Variants in GMEB1 observed in about 807,000 individuals in gnomAD.
GMEB1 encodes the protein glucocorticoid modulatory element binding protein 1, also known as glucocorticoid modulatory element-binding protein 1.
In GMEB1, 6 loss-of-function variants were observed where a neutral mutation model predicts 52.4. That is an observed-to-expected ratio of 0.11 (90% CI 0.06 to 0.23). The LOEUF (loss-of-function observed/expected upper bound fraction) is 0.23. Among genes scored for constraint, GMEB1 ranks in the 10% least tolerant of loss-of-function variants. The pLI, the probability that GMEB1 is intolerant of heterozygous loss-of-function variation, is 1.00. For synonymous variants in GMEB1, 255 were observed against 244.9 expected (o/e 1.04, Z -0.38); for missense variants, 486 against 685.6 (o/e 0.71, Z 3.25).
chr1:28,705,812 G>A (rs901889763), intron 8 of GMEB1, among the ~76,000 whole-genome samples: 2 of 150,890 alleles, frequency 1.3e-5, no homozygotes, highest in Non-Finnish European at 1.5e-5. Context: ...CTATGTGTAT[G>A]TATAGAGAAA....
At chr1:28,669,038 G>T (rs1668745578) in intron 1 of GMEB1, among the ~76,000 whole-genome samples, 199 bp downstream of exon 1, 1 of 145,994 alleles carries the variant, frequency 6.8e-6, no homozygotes, top group South Asian at 2.1e-4. Flanking sequence ...GCGCCGCGGG[G>T]GGGTGGGGGG....
rs1671265285 is a variant in GMEB1, at chr1:28,716,067, C to G, written c.*1294C>G. 6.6e-6 allele frequency: 1 copy of G among 152,312 alleles called. No individual in the cohort carries two copies. Among genetic ancestry groups the G allele is most frequent in the Non-Finnish European group, 1.5e-5 (1 of 68,192 alleles). 9.4% of individuals were successfully genotyped at this position (152,312 alleles called of 1,614,324 possible). ...TGAGCTGAGATCATGCCATTGCACTCTAGCCTGGGCGAGGAGTGAAACTCC... is the reference window on the plus strand; with the variant it reads ...TGAGCTGAGATCATGCCATTGCACTGTAGCCTGGGCGAGGAGTGAAACTCC... On this transcript the variant is annotated 3_prime_UTR_variant, in exon 10 of 10. Coordinates refer to ENST00000373816, the MANE Select transcript of GMEB1 (RefSeq NM_001319674.2).
intron 9 of GMEB1, among the ~76,000 whole-genome samples, chr1:28,713,813 G>A (rs1365851586): frequency 6.6e-6 from 1 of 152,192 alleles, no homozygotes; most frequent in African/African-American, 2.4e-5. Context: ...GGGAAGGTGA[G>A]GTGGGTGGAT....
chr1:28,709,059 G>A (rs1186224838), intron 8 of GMEB1, among the ~76,000 whole-genome samples: 1 of 151,814 alleles, frequency 6.6e-6, no homozygotes, highest in African/African-American at 2.4e-5. Flanking sequence ...GTGTGAACCC[G>A]GGAGGTGGAG....
At chr1:28,687,245 A>G (rs918170360) in intron 2 of GMEB1, among the ~76,000 whole-genome samples, 22 of 149,300 alleles carry the variant, frequency 1.5e-4, no homozygotes, top group African/African-American at 4.4e-4. Flanking sequence ...GCTGAGGTGA[A>G]GGATTGCTTG....
chr1:28,683,704 C>T lies in GMEB1; in HGVS notation c.92C>T (p.Thr31Ile). The part of the protein sequence containing the change: ...NEGENPEDTK[T>I]QVILQLQPVQ... ...GGGGAGAATCCTGAAGACACTAAAACCCAAGTGATTTTGCAGTTACAGCCT... is the reference window on the plus strand; with the variant it reads ...GGGGAGAATCCTGAAGACACTAAAATCCAAGTGATTTTGCAGTTACAGCCT... Residue 31 changes from threonine (T) to isoleucine (I), a missense_variant, in exon 2 of 10, where the codon ACC (threonine) becomes ATC (isoleucine). By Grantham distance (89) the Thr-to-Ile change is moderately conservative. This residue lies in a region of GMEB1 where 88 missense variants were observed against 96.5 expected (regional missense o/e 0.91). Coordinates refer to ENST00000373816, the MANE Select transcript of GMEB1 (RefSeq NM_001319674.2). 6.2e-7 allele frequency: 1 copy of T among 1,611,616 alleles called. No individual in the cohort carries two copies. Among genetic ancestry groups the T allele is most frequent in the Non-Finnish European group, 8.5e-7 (1 of 1,179,032 alleles).
chr1:28,693,126 G>T, intron 5 of GMEB1, 81 bp downstream of exon 5: 1 of 572,846 alleles, frequency 1.7e-6, no homozygotes. Flanking sequence ...TTTCTCTTTA[G>T]GTTGACATTT....
intron 1 of GMEB1, among the ~76,000 whole-genome samples, chr1:28,678,590 C>T (rs534936154): frequency 1.1e-4 from 16 of 151,462 alleles, no homozygotes; most frequent in African/African-American, 3.9e-4. Context: ...ATTACAGGTG[C>T]GAGCCACCGC....
chr1:28,713,070 A>G (rs564648730), intron 9 of GMEB1, among the ~76,000 whole-genome samples: 4 of 150,696 alleles, frequency 2.7e-5, no homozygotes, highest in Admixed American at 2.7e-4. Context: ...AGGCAGGAGA[A>G]TGGTGTGAAC....
At chr1:28,697,547 G>A (rs1670284799) in intron 6 of GMEB1, among the ~76,000 whole-genome samples, 1 of 152,104 alleles carries the variant, frequency 6.6e-6, no homozygotes, top group Admixed American at 6.6e-5. Context: ...GAACATTGAT[G>A]TGCCTTGTTG....
At chr1:28,672,202 TTTATTTA>T (rs1427857805) in intron 1 of GMEB1, among the ~76,000 whole-genome samples, 2 of 59,558 alleles carry the variant, frequency 3.4e-5, no homozygotes, top group Non-Finnish European at 8.6e-5. Context: ...TTTATTTTTA[TTTATTTA>T]TTTATTTATT....
rs1038533788 is a variant in GMEB1, at chr1:28,719,085, A to G, written c.*4312A>G. The G allele has an allele frequency of 2.0e-5, 3 of 152,206 alleles. No individual in the cohort carries two copies. Among genetic ancestry groups the G allele is most frequent in the Admixed American group, 6.6e-5 (1 of 15,264 alleles). 9.4% of individuals were successfully genotyped at this position (152,206 alleles called of 1,614,324 possible). ...GCTGAGTCATGCATGGGCTTCTCCA[A>G]GTTTCCATCAGATGGGATCCAGTGT... is the stretch of plus-strand genomic sequence containing the variant. On this transcript the variant is annotated 3_prime_UTR_variant, in exon 10 of 10. Coordinates refer to ENST00000373816, the MANE Select transcript of GMEB1 (RefSeq NM_001319674.2).
intron 1 of GMEB1, among the ~76,000 whole-genome samples, chr1:28,675,786 G>C (rs902799582): frequency 6.6e-6 from 1 of 151,982 alleles, no homozygotes; most frequent in Non-Finnish European, 1.5e-5. Flanking sequence ...AGCCCCGAAC[G>C]ATCAACTCAC....
intron 5 of GMEB1, among the ~76,000 whole-genome samples, chr1:28,696,345 G>A (rs1484718318): frequency 6.6e-6 from 1 of 152,116 alleles, no homozygotes; most frequent in Non-Finnish European, 1.5e-5. Context: ...GGGATTACAG[G>A]CGTGAATCAC....
intron 8 of GMEB1, among the ~76,000 whole-genome samples, chr1:28,706,010 C>T (rs1236543144): frequency 2.6e-5 from 4 of 151,286 alleles, no homozygotes; most frequent in Non-Finnish European, 5.9e-5. Flanking sequence ...GAAAATTAGC[C>T]GGGCGCGGTG....
At chr1:28,696,837 C>T in intron 5 of GMEB1, 90 bp from the exon 6 acceptor site, 1 of 979,294 alleles carries the variant, frequency 1.0e-6, no homozygotes, top group South Asian at 1.8e-5. Flanking sequence ...ACAGTAGGCT[C>T]AGCAGTGTTG....
chr1:28,690,010 G>A, intron 2 of GMEB1, 94 bp from the exon 3 acceptor site: 2 of 755,356 alleles, frequency 2.6e-6, no homozygotes, highest in Admixed American at 2.8e-5. Flanking sequence ...TTTCTTTTGA[G>A]ATAGTTTGAA....
At chr1:28,670,658 A>G (rs1668842012) in intron 1 of GMEB1, among the ~76,000 whole-genome samples, 2 of 151,604 alleles carry the variant, frequency 1.3e-5, no homozygotes, top group Non-Finnish European at 2.9e-5. Flanking sequence ...TGTTTTTAGT[A>G]GAGACGGGGT....
chr1:28,713,416 A>G (rs1671152297), intron 9 of GMEB1, among the ~76,000 whole-genome samples: 1 of 152,184 alleles, frequency 6.6e-6, no homozygotes, highest in African/African-American at 2.4e-5. Flanking sequence ...AGGGATAGTG[A>G]TAGGCGTACT....
Sources: allele counts gnomAD v4.1 joint callset (sites outside exome capture counted in the v4.1 genomes callset), GRCh38; gene constraint gnomAD v4.1.1; regional missense constraint gnomAD v4.1.1; transcripts MANE v1.5; gene names NCBI Gene and HGNC (gene_info 2026-07-23, HGNC 2026-07-21).